Variants in KRT7 observed in about 807,000 individuals in gnomAD.
KRT7 encodes the protein keratin, type II cytoskeletal 7.
KRT7 carries 50 observed loss-of-function variants against 42.8 expected under a neutral mutation model. That is an observed-to-expected ratio of 1.17 (90% CI 0.93 to 1.48). KRT7 has a LOEUF of 1.48. KRT7 is among the 40% of genes most tolerant of loss of function. The pLI, the probability that KRT7 is intolerant of heterozygous loss-of-function variation, is 0.00. For missense variants in KRT7, 588 were observed against 637.6 expected, an observed-to-expected ratio of 0.92 and a Z score of 0.84; for synonymous variants, 268 against 266.3, an observed-to-expected ratio of 1.01 and a Z score of -0.06.
Position 52,243,259 on chromosome 12 carries a change from T to C in KRT7, c.984+122T>C, listed in dbSNP as rs564434007. ...CCCGGCCAAAGCTGGTGCCACTGTC[T>C]CAGACCCCCTTGTGAGATCTCCAGC... is the stretch of plus-strand genomic sequence containing the variant. On this transcript the variant is annotated intron_variant, in intron 6 of 8. Transcript: ENST00000331817. The C allele has an allele frequency of 2.0e-5, 23 of 1,165,390 alleles. No homozygotes were observed. In the African/African-American group the frequency reaches 3.3e-4, roughly 17 times the overall value. The allele number at this position is 1,165,390 out of a possible 1,614,324, so 72.2% of individuals were successfully genotyped here.
chr12:52,254,158 TG>T (rs1942307253), downstream of KRT7: 1 of 482,106 alleles, frequency 2.1e-6, no homozygotes. Flanking sequence ...TGAACCTGCC[TG>T]GGGTTTCTCC....
downstream of KRT7, chr12:52,251,926 C>T (rs1565725352): frequency 4.0e-5 from 20 of 505,122 alleles, no homozygotes; most frequent in South Asian, 3.2e-4. Context: ...GACTACATGG[C>T]CCACGAGCCT....
chr12:52,250,700 G>C, downstream of KRT7: 1 of 530,618 alleles, frequency 1.9e-6, no homozygotes, highest in Non-Finnish European at 3.6e-6. Flanking sequence ...CTTCTGCTCA[G>C]AGCTTCTCCC....
intron 6 of KRT7, chr12:52,244,370 A>G: frequency 1.0e-6 from 1 of 985,606 alleles, no homozygotes; most frequent in African/African-American, 1.7e-5. Context: ...CTCACACAAC[A>G]GGGCGGATCC....
chr12:52,245,385 A>AGCTTACAGCTGCACTGCT (rs1335179960), intron 6 of KRT7, 27 bp from the exon 7 acceptor site: 5 of 1,610,284 alleles, frequency 3.1e-6, no homozygotes, highest in Non-Finnish European at 4.2e-6. Context: ...GGTGAGCCCC[A>AGCTTACAGCTGCACTGCT]GCTTACAGCT....
Position 52,241,480 on chromosome 12 carries a change from A to C in KRT7, c.702A>C (p.Thr234=). 6.2e-7 allele frequency: 1 copy of C among 1,611,436 alleles called. No individual in the cohort carries two copies. Among genetic ancestry groups the C allele is most frequent in the Non-Finnish European group, 8.5e-7 (1 of 1,178,560 alleles). ...CCGTCTGGTCCCTACAGGAGTTGAC[A>C]GAGCTGCAGTCCCAGATCTCCGACA... ...FLRTLNETEL[T]ELQSQISDTS... Residue 234 remains threonine (T), a synonymous_variant, in exon 5 of 9, where the codon ACA becomes ACC. Coordinates refer to ENST00000331817, the MANE Select transcript of KRT7 (RefSeq NM_005556.4).
chr12:52,246,256 C>T (rs1230210060), intron 7 of KRT7: 1 of 152,264 alleles, frequency 6.6e-6, no homozygotes, highest in Non-Finnish European at 1.5e-5. Context: ...CCTTCATGGG[C>T]ATATTGTTGG....
intron 6 of KRT7, among the ~76,000 whole-genome samples, chr12:52,243,972 G>T (rs900313665): frequency 6.6e-6 from 1 of 152,268 alleles, no homozygotes; most frequent in Non-Finnish European, 1.5e-5. Flanking sequence ...CTGCCTGGGA[G>T]GATGAGCTTT....
At chr12:52,241,127 A>G (rs1943158168) in intron 4 of KRT7, among the ~76,000 whole-genome samples, 1 of 152,118 alleles carries the variant, frequency 6.6e-6, no homozygotes, top group South Asian at 2.1e-4. Flanking sequence ...ATGGTGGAAT[A>G]TGATAATTTC....
chr12:52,251,264 G>C (rs1224358382), downstream of KRT7, among the ~76,000 whole-genome samples: 1 of 152,194 alleles, frequency 6.6e-6, no homozygotes, highest in Non-Finnish European at 1.5e-5. Context: ...ACAGGTGTAA[G>C]CCACCACACC....
At chr12:52,253,181 C>T, downstream of KRT7, 1 of 1,581,030 alleles carries the variant, frequency 6.3e-7, no homozygotes, top group South Asian at 1.1e-5. Context: ...CCACTCTCTT[C>T]CTACACTGAG....
At chr12:52,253,709 G>T, downstream of KRT7, 1 of 1,366,374 alleles carries the variant, frequency 7.3e-7, no homozygotes, top group Non-Finnish European at 1.0e-6. Flanking sequence ...CCCGACTGTT[G>T]TCCATCTTGA....
chr12:52,253,768 G>GT, downstream of KRT7: 1 of 851,850 alleles, frequency 1.2e-6, no homozygotes, highest in Non-Finnish European at 1.8e-6. Context: ...CGGATCTCCT[G>GT]CAGGAGATGG....
At chr12:52,253,118 T>TC, downstream of KRT7, 1 of 1,166,286 alleles carries the variant, frequency 8.6e-7, no homozygotes, top group Non-Finnish European at 1.3e-6. Context: ...TTTGCCCTTG[T>TC]CCCCACACAC....
chr12:52,245,581 T>C lies in KRT7; in HGVS notation c.1154T>C (p.Leu385Pro). The change falls in exon 7 of 9, where the codon CTG becomes CCG. Residue 385 changes from leucine (L) to proline (P), a missense_variant. By Grantham distance (98) the Leu-to-Pro change is moderately conservative. Coordinates refer to ENST00000331817, the MANE Select transcript of KRT7 (RefSeq NM_005556.4). ...GAACTCATGAGCGTGAAGCTGGCCC[T>C]GGACATCGAGATCGCCACCTACCGC... Reference protein sequence around the residue: ...YQELMSVKLALDIEIATYRKL... With the variant: ...YQELMSVKLAPDIEIATYRKL... The C allele has an allele frequency of 3.7e-6, 6 of 1,614,026 alleles. No homozygotes were observed. Among genetic ancestry groups the C allele is most frequent in the Non-Finnish European group, 5.1e-6 (6 of 1,180,032 alleles).
At chr12:52,252,493 G>A (rs776333714), downstream of KRT7, 20 of 1,613,602 alleles carry the variant, frequency 1.2e-5, no homozygotes, top group Admixed American at 3.0e-4. Context: ...TGGGAGGCAA[G>A]GGAGGGTTAT....
In KRT7 at chr12:52,233,582, A is replaced by G. The variant is rs1565715183; in HGVS notation, c.286A>G (p.Lys96Glu). The G allele has an allele frequency of 6.2e-7, 1 of 1,613,014 alleles. No homozygotes were observed. The highest frequency in any genetic ancestry group is 8.5e-7 in the Non-Finnish European group (1 of 1,179,780). Residue 96 changes from lysine (K) to glutamate (E), a missense_variant, in exon 1 of 9, where the codon AAG becomes GAG. Lys to Glu is a moderately conservative substitution (Grantham distance 56). Coordinates refer to ENST00000331817, the MANE Select transcript of KRT7 (RefSeq NM_005556.4). Reference sequence around the variant, plus strand: ...GCGCCAGGAGGAGAGCGAGCAGATCAAGACCCTCAACAACAAGTTTGCCTC... The same window carrying G: ...GCGCCAGGAGGAGAGCGAGCAGATCGAGACCCTCAACAACAAGTTTGCCTC... ...RVRQEESEQI[K>E]TLNNKFASFI... is the part of the protein sequence containing the mutation.
chr12:52,235,751 A>G (rs925156274), intron 2 of KRT7, among the ~76,000 whole-genome samples: 1 of 152,182 alleles, frequency 6.6e-6, no homozygotes, highest in Non-Finnish European at 1.5e-5. Flanking sequence ...TCTTTTGTTC[A>G]GGTGAGGAAT....
intron 3 of KRT7, among the ~76,000 whole-genome samples, chr12:52,238,443 A>G (rs1176018490): frequency 6.6e-6 from 1 of 152,156 alleles, no homozygotes; most frequent in African/African-American, 2.4e-5. Context: ...GTCAAGTGCT[A>G]GGTTGGGGCT....
Sources: allele counts gnomAD v4.1 joint callset (sites outside exome capture counted in the v4.1 genomes callset), GRCh38; gene constraint gnomAD v4.1.1; transcripts MANE v1.5; gene names NCBI Gene and HGNC (gene_info 2026-07-23, HGNC 2026-07-21).